The following CDH13 variants were observed in gnomAD, a reference collection of about 807,000 sequenced individuals.
CDH13 encodes the protein cadherin 13.
A neutral mutation model predicts 63.8 loss-of-function variants in CDH13; 24 were observed. The ratio of observed to expected loss-of-function variants is 0.38; its 90% CI spans 0.27 to 0.53. The LOEUF (loss-of-function observed/expected upper bound fraction) is 0.53, where lower values mean the gene tolerates loss of function less well. CDH13 is among the 20% of genes least tolerant of loss of function. The pLI is 0.85. For synonymous variants in CDH13, 503 were observed against 355.3 expected (o/e 1.42, Z -4.67); for missense variants, 1,049 against 903.1 (o/e 1.16, Z -2.07).
rs147540629 is a variant in CDH13 at position 83,228,399 on chromosome 16, G to T, written c.636+10902G>T. 2.1e-3 allele frequency among the ~76,000 whole-genome samples: 323 copies of T among 152,278 alleles called. 2 individuals are homozygous for T. The highest frequency in any genetic ancestry group is 7.2e-3 in the African/African-American group (299 of 41,560). On this transcript the variant is annotated intron_variant, in intron 5 of 13. Coordinates refer to ENST00000567109, the MANE Select transcript of CDH13 (RefSeq NM_001257.5). Reference sequence around the variant, plus strand: ...GTTTGCTCAGTATTCATCAGGTTTGGATAGTCAAGAAGTCTGTCTTCATCT... The same window carrying T: ...GTTTGCTCAGTATTCATCAGGTTTGTATAGTCAAGAAGTCTGTCTTCATCT...
At chr16:82,716,261 T>C (rs1046220178) in intron 1 of CDH13, among the ~76,000 whole-genome samples, 1 of 152,062 alleles carries the variant, frequency 6.6e-6, no homozygotes, top group Non-Finnish European at 1.5e-5. Flanking sequence ...TTGGAGGACC[T>C]CCTATGGGGA....
intron 3 of CDH13, among the ~76,000 whole-genome samples, chr16:83,057,113 C>G (rs371638608): frequency 6.6e-6 from 1 of 152,026 alleles, no homozygotes; most frequent in South Asian, 2.1e-4. Context: ...ATTACAGGCA[C>G]GTGCCACCAC....
intron 1 of CDH13, among the ~76,000 whole-genome samples, chr16:82,655,728 A>G (rs557231935): frequency 1.3e-5 from 2 of 152,316 alleles, no homozygotes; most frequent in South Asian, 4.1e-4. Context: ...TTAATTTTAC[A>G]TATATATTAA....
intron 5 of CDH13, among the ~76,000 whole-genome samples, chr16:83,240,609 A>G (rs2151814161): frequency 6.8e-6 from 1 of 147,324 alleles, no homozygotes; most frequent in Middle Eastern, 3.5e-3. Flanking sequence ...GCAGTATGTG[A>G]TGAAAGAGAG....
At chr16:83,314,319 G>C (rs982213855) in intron 5 of CDH13, among the ~76,000 whole-genome samples, 1 of 151,956 alleles carries the variant, frequency 6.6e-6, no homozygotes, top group Admixed American at 6.6e-5. Context: ...GTCTTAATGG[G>C]TAACAGCTGA....
At chr16:83,044,741 T>C (rs1038729311) in intron 3 of CDH13, among the ~76,000 whole-genome samples, 1 of 152,202 alleles carries the variant, frequency 6.6e-6, no homozygotes, top group Non-Finnish European at 1.5e-5. Flanking sequence ...AGGTGGGTCT[T>C]AGGTCGCGGT....
chr16:82,868,283 A>G (rs1298300882), intron 2 of CDH13, among the ~76,000 whole-genome samples: 3 of 152,192 alleles, frequency 2.0e-5, no homozygotes, highest in African/African-American at 7.2e-5. Flanking sequence ...TTTTTCCTAT[A>G]TTTAAACAGA....
intron 8 of CDH13, among the ~76,000 whole-genome samples, chr16:83,668,821 A>G (rs553445532): frequency 6.6e-5 from 10 of 152,284 alleles, no homozygotes; most frequent in Admixed American, 6.5e-4. Context: ...TAGATCACAC[A>G]TGTGTCACCA....
intron 4 of CDH13, among the ~76,000 whole-genome samples, chr16:83,126,130 T>C (rs2151645746): frequency 6.6e-6 from 1 of 152,308 alleles, no homozygotes. Flanking sequence ...TACTTTTTGG[T>C]TGTTAGAAAC....
At chr16:82,739,563 T>A (rs913978982) in intron 1 of CDH13, among the ~76,000 whole-genome samples, 6 of 152,220 alleles carry the variant, frequency 3.9e-5, no homozygotes, top group African/African-American at 1.4e-4. Context: ...AGGAGGATTC[T>A]GTTTATTTAT....
At chr16:82,766,925 C>T (rs1444477324) in intron 1 of CDH13, among the ~76,000 whole-genome samples, 1 of 152,108 alleles carries the variant, frequency 6.6e-6, no homozygotes, top group African/African-American at 2.4e-5. Flanking sequence ...TTTAATTTTG[C>T]AGTGAGCACT....
intron 5 of CDH13, among the ~76,000 whole-genome samples, chr16:83,270,371 T>C (rs2088765437): frequency 6.6e-6 from 1 of 152,166 alleles, no homozygotes; most frequent in Admixed American, 6.5e-5. Context: ...TTCACTGCAA[T>C]AATATGCCCA....
chr16:83,663,521 G>A (rs1408239684), intron 8 of CDH13, among the ~76,000 whole-genome samples: 4 of 152,122 alleles, frequency 2.6e-5, no homozygotes, highest in Non-Finnish European at 1.5e-5. Context: ...TTTCTACCTT[G>A]TGTTTTTATT....
intron 5 of CDH13, among the ~76,000 whole-genome samples, chr16:83,302,723 G>A (rs1007551176): frequency 6.6e-6 from 1 of 152,188 alleles, no homozygotes; most frequent in Admixed American, 6.5e-5. Flanking sequence ...ATAAATGCCA[G>A]AAGAGGAAAA....
chr16:82,944,461 C>G (rs923519481), intron 2 of CDH13, among the ~76,000 whole-genome samples: 1 of 152,138 alleles, frequency 6.6e-6, no homozygotes, highest in Non-Finnish European at 1.5e-5. Context: ...GCTGCTTTTT[C>G]TAGACTGGAG....
At chr16:82,951,679 G>A (rs1905316870) in intron 2 of CDH13, among the ~76,000 whole-genome samples, 1 of 152,202 alleles carries the variant, frequency 6.6e-6, no homozygotes. Context: ...TCAAGTGCAG[G>A]GAGGCCCAGG....
chr16:83,591,231 G>A lies in CDH13; in HGVS notation c.961-11223G>A, dbSNP rs117419013. 1.9e-3 allele frequency among the ~76,000 whole-genome samples: 289 copies of A among 152,256 alleles called. 4 individuals are homozygous for A. In the East Asian group the frequency reaches 0.052, roughly 28 times the overall value. On this transcript the variant is annotated intron_variant, in intron 7 of 13. Coordinates refer to ENST00000567109, the MANE Select transcript of CDH13 (RefSeq NM_001257.5). ...GCTGGACAAGCACTTTCAAGAAGCA[G>A]TGACTCTGACTCTATGTCTTACGTA...
chr16:83,477,892 C>A (rs1046101386), intron 6 of CDH13, among the ~76,000 whole-genome samples: 1 of 152,026 alleles, frequency 6.6e-6, no homozygotes, highest in Non-Finnish European at 1.5e-5. Context: ...CTTAAAAAAT[C>A]AAAAGATGGC....
chr16:83,331,843 T>C (rs1446721391), intron 5 of CDH13, among the ~76,000 whole-genome samples: 2 of 152,146 alleles, frequency 1.3e-5, no homozygotes, highest in South Asian at 2.1e-4. Flanking sequence ...ATAGTTTCTT[T>C]CATCAATCTT....
Sources: gnomAD v4.1 joint callset for allele counts (sites outside exome capture counted in the v4.1 genomes callset) on GRCh38, gnomAD v4.1.1 for gene constraint, MANE v1.5 for transcripts, NCBI Gene and HGNC (gene_info 2026-07-23, HGNC 2026-07-21) for gene names.